PRDM5: variants seen among roughly 807,000 people sequenced by gnomAD.
PRDM5 encodes PR domain zinc finger protein 5.
PRDM5 carries 56 observed loss-of-function variants against 81.2 expected under a neutral mutation model. That is an observed-to-expected ratio of 0.69 (90% CI 0.56 to 0.86). The LOEUF is 0.86. Ranked by LOEUF, PRDM5 falls within the 40% of genes least tolerant of loss-of-function variation. PRDM5 has a pLI of 0.00. For synonymous variants in PRDM5, 267 were observed against 256.4 expected (o/e 1.04, Z -0.39); for missense variants, 697 against 770.1 (o/e 0.91, Z 1.12).
chr4:120,798,477 A>G, intron 9 of PRDM5, 53 bp from the exon 10 acceptor site: 1 of 1,505,888 alleles, frequency 6.6e-7, no homozygotes, highest in Non-Finnish European at 9.2e-7. Flanking sequence ...GGTAAAGGAT[A>G]AAAGAGAAAA....
intron 3 of PRDM5, among the ~76,000 whole-genome samples, chr4:120,848,578 T>C (rs1001767301): frequency 3.3e-5 from 5 of 152,170 alleles, no homozygotes; most frequent in African/African-American, 9.6e-5. Context: ...CATTAATAAG[T>C]GAATAACTGC....
At chr4:120,766,372 T>C (rs72678309) in intron 13 of PRDM5, among the ~76,000 whole-genome samples, 7,066 of 152,290 alleles carry the variant, frequency 0.046, 324 homozygotes, top group Middle Eastern at 0.15. Flanking sequence ...TTGAAGCCCA[T>C]AATCTGACTC....
intron 2 of PRDM5, among the ~76,000 whole-genome samples, chr4:120,853,998 G>C (rs1303969603): frequency 2.6e-5 from 4 of 152,138 alleles, no homozygotes; most frequent in Non-Finnish European, 5.9e-5. Flanking sequence ...CTCCATAAAA[G>C]GAGAACCTGC....
chr4:120,812,094 T>G (rs4833680), intron 7 of PRDM5, among the ~76,000 whole-genome samples: 30,165 of 152,056 alleles, frequency 0.2, 3,648 homozygotes, highest in Non-Finnish European at 0.28. Flanking sequence ...TAGTTTTAAT[T>G]TTAGCTTCCA....
downstream of PRDM5, among the ~76,000 whole-genome samples, chr4:120,684,678 A>G (rs763467872): frequency 6.6e-6 from 1 of 152,108 alleles, no homozygotes; most frequent in Non-Finnish European, 1.5e-5. Context: ...ATGATCCTGT[A>G]TTATAAAATG....
intron 13 of PRDM5, among the ~76,000 whole-genome samples, chr4:120,774,968 A>T (rs930151583): frequency 2.6e-4 from 39 of 149,188 alleles, no homozygotes; most frequent in African/African-American, 9.5e-4. Flanking sequence ...ATATGTATAT[A>T]TGTGTGTGTA....
chr4:120,756,093 C>T lies in PRDM5; in HGVS notation c.1538-1455G>A, dbSNP rs77005932. 3.7e-4 allele frequency among the ~76,000 whole-genome samples: 56 copies of T among 152,276 alleles called. 1 individual carries two copies. The highest frequency in any genetic ancestry group is 1.3e-3 in the African/African-American group (54 of 41,564). ...TATTGACCTTAGGATCATCGTGACT[C>T]TGGGAAGGTGTGGCTTTTCCAAGTC... On this transcript the variant is annotated intron_variant, in intron 13 of 15. Coordinates refer to ENST00000264808, the MANE Select transcript of PRDM5 (RefSeq NM_018699.4).
Position 120,819,369 on chromosome 4 carries a change from T to C in PRDM5, c.476-842A>G, listed in dbSNP as rs530253761. 5.3e-5 allele frequency among the ~76,000 whole-genome samples: 8 copies of C among 152,354 alleles called. No homozygotes were observed. The South Asian group carries it at 1.7e-3, about 32-fold the overall frequency. ...AGACATTTGGGTGGCTTGTTTCTTT[T>C]GCTGTTTGTTTTTATTTTGTTTCTT... On this transcript the variant is annotated intron_variant, in intron 4 of 15. Coordinates refer to ENST00000264808, the MANE Select transcript of PRDM5 (RefSeq NM_018699.4).
At chr4:120,836,176 G>A (rs906066017) in intron 3 of PRDM5, among the ~76,000 whole-genome samples, 5 of 152,238 alleles carry the variant, frequency 3.3e-5, no homozygotes, top group African/African-American at 1.2e-4. Context: ...ACAGGTAGGA[G>A]ATTTGTTCTT....
At chr4:120,773,565 A>C (rs555108700) in intron 13 of PRDM5, among the ~76,000 whole-genome samples, 5 of 152,330 alleles carry the variant, frequency 3.3e-5, no homozygotes, top group African/African-American at 1.2e-4. Flanking sequence ...AGATCATTCG[A>C]AGTGCAACAC....
At chr4:120,721,125 A>G (rs1738536801) in intron 14 of PRDM5, among the ~76,000 whole-genome samples, 1 of 152,198 alleles carries the variant, frequency 6.6e-6, no homozygotes, top group Non-Finnish European at 1.5e-5. Flanking sequence ...ATCTGGCATA[A>G]AGCATGCAAA....
intron 14 of PRDM5, among the ~76,000 whole-genome samples, chr4:120,735,638 T>C (rs1294940750): frequency 6.6e-6 from 1 of 152,156 alleles, no homozygotes; most frequent in Non-Finnish European, 1.5e-5. Context: ...TTTTATTCCT[T>C]GCTCTAAAGC....
chr4:120,821,193 T>A lies in PRDM5; in HGVS notation c.453A>T (p.Arg151Ser), dbSNP rs373828468. ...TACCTTTTCTGCCCGCTGTTGATTG[T>A]CTTCTAGAATTTTCAACTTCCCCTT... ...IKEGEVENSR[R>S]QSTAGRKDRL... Residue 151 changes from arginine to serine, a missense_variant, in exon 4 of 16, where the codon AGA (arginine) becomes AGT (serine). By Grantham distance (110) the Arg-to-Ser change is moderately radical (BLOSUM62 -1). Around this residue, in one of 3 missense-constraint regions of PRDM5, gnomAD observed 577 missense variants for 606.7 expected, o/e 0.95. Coordinates refer to ENST00000264808, the MANE Select transcript of PRDM5 (RefSeq NM_018699.4). The A allele has an allele frequency of 2.5e-6, 4 of 1,614,046 alleles. No homozygotes were observed. The African/African-American group carries it at 5.3e-5, about 22-fold the overall frequency.
chr4:120,835,406 A>C (rs1757230693), intron 3 of PRDM5, among the ~76,000 whole-genome samples: 1 of 152,214 alleles, frequency 6.6e-6, no homozygotes, highest in South Asian at 2.1e-4. Context: ...ATGTACACAC[A>C]TATTTGAAAG....
intron 14 of PRDM5, among the ~76,000 whole-genome samples, chr4:120,738,384 C>T (rs1741427060): frequency 6.6e-6 from 1 of 152,144 alleles, no homozygotes; most frequent in South Asian, 2.1e-4. Flanking sequence ...CCTAATATGA[C>T]ACCAATTATA....
rs1578658796 is a variant in PRDM5, at chr4:120,768,602, T to C, written c.1537+8586A>G. On this transcript the variant is annotated intron_variant, in intron 13 of 15. Transcript: ENST00000264808. Reference sequence around the variant, plus strand: ...CCCCAGATCTCTACTAGATGAGATTTGCTACACAACTGCAAAAGACTATAA... The same window carrying C: ...CCCCAGATCTCTACTAGATGAGATTCGCTACACAACTGCAAAAGACTATAA... 2.0e-5 allele frequency among the ~76,000 whole-genome samples: 3 copies of C among 152,318 alleles called. No individual in the cohort carries two copies. In the South Asian group the frequency reaches 6.2e-4, roughly 32 times the overall value.
At chr4:120,697,155 G>C (rs889373173) in intron 15 of PRDM5, among the ~76,000 whole-genome samples, 1 of 152,088 alleles carries the variant, frequency 6.6e-6, no homozygotes, top group Admixed American at 6.6e-5. Flanking sequence ...GCAAACACAC[G>C]CATACTGTAC....
rs531487825 is a variant in PRDM5, at chr4:120,738,222, T to A, written c.1623+16331A>T. Among the ~76,000 whole-genome samples, 11 of 152,282 alleles carry A rather than the reference T, an allele frequency of 7.2e-5. No homozygotes were observed. In the South Asian group the frequency reaches 2.3e-3, roughly 32 times the overall value. ...AGACCATCAGCCTCAACAGCAAGAA[T>A]TACCTTCCTGATGCCCCCAAATAAG... is the stretch of plus-strand genomic sequence containing the variant. On this transcript the variant is annotated intron_variant, in intron 14 of 15. Coordinates refer to ENST00000264808, the MANE Select transcript of PRDM5 (RefSeq NM_018699.4).
intron 15 of PRDM5, among the ~76,000 whole-genome samples, chr4:120,700,437 C>T (rs1261936669): frequency 6.6e-6 from 1 of 151,946 alleles, no homozygotes; most frequent in Non-Finnish European, 1.5e-5. Context: ...GCAGTTGCAA[C>T]AAAACAAAAA....
Sources: gnomAD v4.1 joint callset for allele counts (sites outside exome capture counted in the v4.1 genomes callset) on GRCh38, gnomAD v4.1.1 for gene constraint, gnomAD v4.1.1 regional missense constraint, MANE v1.5 for transcripts, NCBI Gene and HGNC (gene_info 2026-07-23, HGNC 2026-07-21) for gene names.